SVOP: variants seen among roughly 807,000 people sequenced by gnomAD.
SVOP encodes SV2 related protein.
A neutral mutation model predicts 69.1 loss-of-function variants in SVOP; 17 were observed. That is an observed-to-expected ratio of 0.25 (90% CI 0.17 to 0.37). The LOEUF is 0.37. SVOP is among the 10% of genes least tolerant of loss of function. The pLI is 1.00. For missense variants in SVOP, 435 were observed against 597.5 expected (o/e 0.73, Z 2.84); for synonymous variants, 238 against 238.6 (o/e 1.00, Z 0.02).
At chr12:108,918,248 A>G (rs2039726321) in intron 13 of SVOP, 124 bp from the exon 14 acceptor site, 3 of 622,264 alleles carry the variant, frequency 4.8e-6, no homozygotes, top group African/African-American at 3.8e-5. Context: ...CCCGATGCTC[A>G]TTGATACAGA....
chr12:108,945,252 T>G, intron 6 of SVOP, 86 bp from the exon 7 acceptor site: 74 of 1,268,460 alleles, frequency 5.8e-5, no homozygotes, highest in Non-Finnish European at 7.3e-5. Flanking sequence ...GCAGCCGACA[T>G]TCCTCCAAGG....
At chr12:109,012,719 GGA>G (rs1231191729) in intron 1 of SVOP, among the ~76,000 whole-genome samples, 3 of 152,104 alleles carry the variant, frequency 2.0e-5, no homozygotes, top group Non-Finnish European at 4.4e-5. Context: ...TTTGAGTCCA[GGA>G]GTTTGAGACC....
chr12:108,973,239 G>A (rs139843327), intron 4 of SVOP, among the ~76,000 whole-genome samples: 101,908 of 152,002 alleles, frequency 0.67, 34,669 homozygotes, highest in East Asian at 0.79. Flanking sequence ...TCACAGATAA[G>A]GCAACTGAGG....
chr12:108,940,979 T>C, intron 7 of SVOP, 70 bp from the exon 8 acceptor site: 8 of 1,500,366 alleles, frequency 5.3e-6, no homozygotes, highest in Non-Finnish European at 7.1e-6. Context: ...ATGGGGGCAT[T>C]GTGGACAAGG....
chr12:109,002,139 T>A, intron 1 of SVOP, among the ~76,000 whole-genome samples: 2 of 114,508 alleles, frequency 1.7e-5, no homozygotes, highest in Non-Finnish European at 3.6e-5. Flanking sequence ...CATCAAAAAG[T>A]GGGCAAAGGA....
At chr12:108,966,446 C>T (rs1384857457) in intron 5 of SVOP, among the ~76,000 whole-genome samples, 1 of 152,096 alleles carries the variant, frequency 6.6e-6, no homozygotes, top group African/African-American at 2.4e-5. Context: ...TGTGAATGCC[C>T]CACAATATCA....
chr12:109,018,450 C>T (rs1475458528), intron 1 of SVOP, among the ~76,000 whole-genome samples: 1 of 152,174 alleles, frequency 6.6e-6, no homozygotes, highest in Non-Finnish European at 1.5e-5. Context: ...TTATAATCTG[C>T]TAACACTTGG....
intron 5 of SVOP, among the ~76,000 whole-genome samples, chr12:108,966,432 C>G (rs560146169): frequency 5.3e-5 from 8 of 152,018 alleles, no homozygotes; most frequent in Non-Finnish European, 1.2e-4. Context: ...GTCCTAACCC[C>G]GTATGTGAAT....
rs2039692958 is a variant in SVOP, at chr12:108,912,848, G to A, written c.1441-107C>T. 2.6e-6 allele frequency: 3 copies of A among 1,151,030 alleles called. No individual in the cohort carries two copies. The South Asian group carries it at 4.5e-5, about 17-fold the overall frequency. 71.3% of individuals were successfully genotyped at this position (1,151,030 alleles called of 1,614,324 possible). A position where few individuals can be genotyped will look rare whatever the true frequency, so the allele number is the denominator to read the frequency against. ...TCAGGCCCTCTCGTGATATCTGCTT[G>A]CTAAAAAGGATCTGGTGATTCCCTC... On this transcript the variant is annotated intron_variant, in intron 15 of 15. Transcript: ENST00000610966.
intron 14 of SVOP, among the ~76,000 whole-genome samples, chr12:108,917,809 CATTTTTATTTT>C (rs2137387189): frequency 6.6e-6 from 1 of 152,144 alleles, no homozygotes; most frequent in South Asian, 2.1e-4. Context: ...CAGCCTGGCT[CATTTTTATTTT>C]ATTTTTTTAG....
intron 5 of SVOP, among the ~76,000 whole-genome samples, chr12:108,969,972 G>A (rs1248530931): frequency 3.3e-5 from 5 of 152,232 alleles, no homozygotes; most frequent in African/African-American, 9.6e-5. Context: ...CCCCATCACC[G>A]GCCAAGACCC....
intron 1 of SVOP, among the ~76,000 whole-genome samples, chr12:109,011,747 A>T (rs2040342822): frequency 6.6e-6 from 1 of 152,218 alleles, no homozygotes. Flanking sequence ...TGTGGTATAA[A>T]CACAATGGAA....
At position 108,911,347 on chromosome 12, in the gene SVOP, C is replaced by G. The variant is rs2039680706; in HGVS notation, c.*1188G>C. 7 of 152,132 alleles carry G rather than the reference C, an allele frequency of 4.6e-5. No individual in the cohort carries two copies. The highest frequency in any genetic ancestry group is 7.2e-5 in the African/African-American group (3 of 41,400). 9.4% of individuals were successfully genotyped at this position (152,132 alleles called of 1,614,324 possible). ...CTGCCCATTCAGCTGTCTACCCATG[C>G]ACAAAACCCAAAGCCCTGGATTTTG... On this transcript the variant is annotated 3_prime_UTR_variant, in exon 16 of 16. Coordinates refer to ENST00000610966, the MANE Select transcript of SVOP (RefSeq NM_018711.5).
chr12:109,020,825 G>C lies in SVOP; in HGVS notation c.35+9C>G. ...CTGTCTGCCTCTTGCTCGCCCCCAT[G>C]ATACTCACGGCAGCTGCCTTAGCTG... On this transcript the variant is annotated intron_variant, in intron 1 of 15. Transcript: ENST00000610966. 1.5e-6 allele frequency: 1 copy of C among 681,558 alleles called. No homozygotes were observed. 42.2% of individuals were successfully genotyped at this position (681,558 alleles called of 1,614,324 possible).
chr12:108,984,384 A>C (rs2040156666), intron 1 of SVOP, among the ~76,000 whole-genome samples: 1 of 152,140 alleles, frequency 6.6e-6, no homozygotes, highest in Non-Finnish European at 1.5e-5. Flanking sequence ...GAAAAAGTAG[A>C]ATATCTCGCT....
intron 1 of SVOP, among the ~76,000 whole-genome samples, chr12:108,988,047 G>T (rs2040175859): frequency 1.3e-5 from 2 of 152,032 alleles, no homozygotes; most frequent in South Asian, 4.2e-4. Context: ...TCAGCCTCTT[G>T]AGTAACTGGG....
At chr12:108,934,624 C>T (rs1160124947) in intron 10 of SVOP, among the ~76,000 whole-genome samples, 2 of 152,122 alleles carry the variant, frequency 1.3e-5, no homozygotes, top group Admixed American at 6.6e-5. Context: ...GATAGGAGGT[C>T]GGCCAAGATA....
At chr12:108,922,825 G>C (rs1209338451) in intron 11 of SVOP, 28 bp from the exon 12 acceptor site, 3 of 1,507,730 alleles carry the variant, frequency 2.0e-6, no homozygotes, top group South Asian at 1.2e-5. Flanking sequence ...AAAGAGAGGG[G>C]GAGACATATA....
chr12:108,916,985 G>A (rs986813848), intron 14 of SVOP, among the ~76,000 whole-genome samples: 3 of 152,182 alleles, frequency 2.0e-5, no homozygotes, highest in Non-Finnish European at 2.9e-5. Flanking sequence ...GAGCTCAAGC[G>A]ATCCACCTGC....
Sources: gnomAD v4.1 joint callset for allele counts (sites outside exome capture counted in the v4.1 genomes callset) on GRCh38, gnomAD v4.1.1 for gene constraint, MANE v1.5 for transcripts, NCBI Gene and HGNC (gene_info 2026-07-23, HGNC 2026-07-21) for gene names.